ACBD5: variants seen among roughly 807,000 people sequenced by gnomAD.
The protein encoded by ACBD5 is acyl-CoA binding domain containing 5.
Under a neutral mutation model 71.8 loss-of-function variants are expected in ACBD5, and 40 were observed. The observed-to-expected ratio is 0.56, with a 90% CI of 0.43 to 0.72. ACBD5 has a LOEUF of 0.72. Ranked by LOEUF, ACBD5 falls within the 30% of genes least tolerant of loss-of-function variation. The pLI is 0.00. For missense variants in ACBD5, 559 were observed against 644.5 expected (o/e 0.87, Z 1.44); for synonymous variants, 229 against 218.6 (o/e 1.05, Z -0.42).
At position 27,240,601 on chromosome 10, in the gene ACBD5, C is replaced by T. The variant is rs935190547; in HGVS notation, c.15+73G>A. 7.1e-6 allele frequency: 11 copies of T among 1,550,956 alleles called. No homozygotes were observed. The African/African-American group carries it at 1.2e-4, about 17-fold the overall frequency. On this transcript the variant is annotated intron_variant, in intron 1 of 12. Transcript: ENST00000396271. This position sits in a 1 kb window ranked among gnomAD's most constrained non-coding sequence, Gnocchi z 4.1. ...CCAGGCCACACAGATCGAAGCGGCC[C>T]GGCTCCTTCCTCCTCCCCCGGGGCG...
chr10:27,199,540 A>T (rs988556128), intron 12 of ACBD5, among the ~76,000 whole-genome samples: 1 of 152,114 alleles, frequency 6.6e-6, no homozygotes, highest in East Asian at 1.9e-4. Flanking sequence ...AACAGGAATA[A>T]ATTCTGCCTT....
At chr10:27,186,842 A>G (rs1179020733) in intron 13 of ACBD5, 1 of 348,658 alleles carries the variant, frequency 2.9e-6, no homozygotes, top group Non-Finnish European at 5.4e-6. Flanking sequence ...GTGAGCCACT[A>G]GCTTGATTTT....
In ACBD5 at chr10:27,196,925, G is replaced by A. The variant is rs1228255842; in HGVS notation, c.*505C>T. 6.6e-6 allele frequency: 3 copies of A among 454,050 alleles called. No homozygotes were observed. Among genetic ancestry groups the A allele is most frequent in the South Asian group, 1.6e-5 (1 of 64,468 alleles). 28.1% of individuals were successfully genotyped at this position (454,050 alleles called of 1,614,324 possible). The stretch of plus-strand genomic sequence containing the variant: ...AAGTGAATATGACCATTCTTCCTGT[G>A]GTTTTCTACTACATGCCATGGCAAC... On this transcript the variant is annotated 3_prime_UTR_variant, in exon 13 of 13. Coordinates refer to ENST00000396271, the MANE Select transcript of ACBD5 (RefSeq NM_145698.5).
At position 27,240,624 on chromosome 10, in the gene ACBD5, G is replaced by T. The variant is rs1264964969; in HGVS notation, c.15+50C>A. ...CCCGGCTCCTTCCTCCTCCCCCGGG[G>T]CGTGACTAAGGCCACGAATCCGGCC... is the stretch of plus-strand genomic sequence containing the variant. On this transcript the variant is annotated intron_variant, in intron 1 of 12. Transcript: ENST00000396271. The surrounding 1 kb of genome is among the most constrained non-coding windows in gnomAD (Gnocchi z 4.1). 24 of 1,550,908 alleles carry T rather than the reference G, an allele frequency of 1.5e-5. No homozygotes were observed. Among genetic ancestry groups the T allele is most frequent in the Non-Finnish European group, 2.0e-5 (23 of 1,146,938 alleles).
downstream of ACBD5, among the ~76,000 whole-genome samples, chr10:27,192,294 T>A (rs1356048329): frequency 2.0e-5 from 3 of 151,424 alleles, no homozygotes; most frequent in South Asian, 2.1e-4. Context: ...AAAAAAAAAA[T>A]TTATAATAAT....
chr10:27,206,193 G>C (rs905260731), intron 10 of ACBD5, among the ~76,000 whole-genome samples: 1 of 151,858 alleles, frequency 6.6e-6, no homozygotes, highest in African/African-American at 2.4e-5. Context: ...TGAGCCATGG[G>C]CCTAGCCTAA....
At chr10:27,214,783 C>A (rs111979083) in intron 8 of ACBD5, among the ~76,000 whole-genome samples, 3 of 152,202 alleles carry the variant, frequency 2.0e-5, no homozygotes, top group African/African-American at 7.2e-5. Context: ...TGGTGGCTCA[C>A]ACCTGTAATC....
chr10:27,225,936 T>C (rs1241436006), intron 4 of ACBD5, among the ~76,000 whole-genome samples: 1 of 152,086 alleles, frequency 6.6e-6, no homozygotes, highest in Non-Finnish European at 1.5e-5. Context: ...TTTTTAAGGC[T>C]ACTAAATTCG....
Position 27,240,227 on chromosome 10 carries a change from A to C in ACBD5, c.181+92T>G. The C allele has an allele frequency of 6.2e-7, 1 of 1,601,464 alleles. No individual in the cohort carries two copies. Among genetic ancestry groups the C allele is most frequent in the Non-Finnish European group, 8.5e-7 (1 of 1,173,564 alleles). On this transcript the variant is annotated intron_variant, in intron 2 of 12. Coordinates refer to ENST00000396271, the MANE Select transcript of ACBD5 (RefSeq NM_145698.5). The surrounding 1 kb of genome is among the most constrained non-coding windows in gnomAD (Gnocchi z 4.1). ...CTACATGGCTCCTACACAGAAAAAA[A>C]GGCTAAATAAACAACACTAGAACCA...
At chr10:27,197,544 A>G (rs2059481450) in intron 12 of ACBD5, 102 bp from the exon 13 acceptor site, 8 of 917,970 alleles carry the variant, frequency 8.7e-6, no homozygotes, top group African/African-American at 1.7e-5. Context: ...AAATAAAACC[A>G]TAATATTACC....
chr10:27,186,014 G>A (rs1461612649), intron 13 of ACBD5, among the ~76,000 whole-genome samples: 3 of 152,192 alleles, frequency 2.0e-5, no homozygotes, highest in African/African-American at 4.8e-5. Context: ...GCTTGAACCC[G>A]GGAGGCGGCG....
intron 7 of ACBD5, 99 bp from the exon 8 acceptor site, chr10:27,215,740 C>T (rs1316079703): frequency 6.8e-6 from 6 of 879,464 alleles, no homozygotes; most frequent in Non-Finnish European, 1.1e-5. Context: ...TGCTCTGTTG[C>T]CCAGGCTGGA....
At chr10:27,219,014 C>T (rs2061994555) in intron 6 of ACBD5, among the ~76,000 whole-genome samples, 1 of 152,104 alleles carries the variant, frequency 6.6e-6, no homozygotes, top group South Asian at 2.1e-4. Context: ...AAAATTTATG[C>T]CTGTAGGCCG....
rs769105525 is a variant in ACBD5, at chr10:27,210,896, A to G, written c.1122T>C (p.Asp374=). The change falls in exon 9 of 13, where the codon GAT becomes GAC. Residue 374 remains aspartate (D), a synonymous_variant. Coordinates refer to ENST00000396271, the MANE Select transcript of ACBD5 (RefSeq NM_145698.5). ...GKGEVKHGGE[D]GRNNSGAPHR... is the part of the protein sequence containing the mutation. ...GTGGTGCTCCGCTGTTATTCCTGCC[A>G]TCTTCTCCTCCATGCTTGACTTCAC... 7.2e-5 allele frequency: 117 copies of G among 1,614,072 alleles called. No individual in the cohort carries two copies. Among genetic ancestry groups the G allele is most frequent in the Non-Finnish European group, 9.2e-5 (108 of 1,180,040 alleles).
chr10:27,185,242 C>T (rs1418180361), intron 13 of ACBD5, among the ~76,000 whole-genome samples: 1 of 152,150 alleles, frequency 6.6e-6, no homozygotes, highest in African/African-American at 2.4e-5. Flanking sequence ...AGAGTCAAAA[C>T]TGGAGCATTC....
At chr10:27,235,303 T>C (rs1445510935) in intron 2 of ACBD5, 91 bp from the exon 3 acceptor site, 1 of 1,418,068 alleles carries the variant, frequency 7.1e-7, no homozygotes, top group Non-Finnish European at 9.9e-7. Flanking sequence ...ATAGTGATTT[T>C]ATATTGCATT....
chr10:27,231,789 TG>T lies in ACBD5; in HGVS notation c.333del (p.Glu113ArgfsTer4), dbSNP rs1193949012. The T allele has an allele frequency of 6.2e-7, 1 of 1,613,746 alleles. No individual in the cohort carries two copies. Among genetic ancestry groups the T allele is most frequent in the Non-Finnish European group, 8.5e-7 (1 of 1,179,974 alleles). On this transcript the variant is annotated frameshift_variant, in exon 4 of 13. Coordinates refer to ENST00000396271, the MANE Select transcript of ACBD5 (RefSeq NM_145698.5). LOFTEE classifies it high-confidence loss of function. ...ACATATGCAATCATGGCTTCCTCTTTGGTCATATCACCCAGTGAACTCCAAG... is the reference window on the plus strand; with the variant it reads ...ACATATGCAATCATGGCTTCCTCTTTGTCATATCACCCAGTGAACTCCAAG... ...WDAWSSLGDM[T>X]KEEAMIAYVE...
At chr10:27,224,750 G>A (rs1255286179) in intron 4 of ACBD5, among the ~76,000 whole-genome samples, 1 of 152,188 alleles carries the variant, frequency 6.6e-6, no homozygotes, top group Non-Finnish European at 1.5e-5. Context: ...GATAACAGGG[G>A]CCGGGCGTGG....
chr10:27,194,244 T>C (rs866723187), downstream of ACBD5, among the ~76,000 whole-genome samples: 21 of 118,724 alleles, frequency 1.8e-4, no homozygotes, highest in South Asian at 1.5e-3. Flanking sequence ...AGAGCGAAAC[T>C]CCGTCTCAAT....
Sources: allele counts gnomAD v4.1 joint callset (sites outside exome capture counted in the v4.1 genomes callset), GRCh38; gene constraint gnomAD v4.1.1; non-coding constraint Gnocchi (gnomAD v3.1); transcripts MANE v1.5; gene names NCBI Gene and HGNC (gene_info 2026-07-23, HGNC 2026-07-21).